The following ZPLD1 variants were observed in gnomAD, a reference collection of about 807,000 sequenced individuals.
The protein encoded by ZPLD1 is zona pellucida like domain containing 1.
In ZPLD1, 34 loss-of-function variants were observed where a neutral mutation model predicts 47.2. That is an observed-to-expected ratio of 0.72 (90% confidence interval 0.55 to 0.96). The LOEUF is 0.96. Ranked by LOEUF, ZPLD1 falls within the 40% of genes least tolerant of loss-of-function variation. ZPLD1 has a pLI of 0.00. For synonymous variants in ZPLD1, 176 were observed against 186.2 expected (o/e 0.95, Z 0.45); for missense variants, 512 against 505.8 (o/e 1.01, Z -0.12).
Position 102,398,214 on chromosome 3 carries a change from T to C in ZPLD1, c.-157+5989T>C, listed in dbSNP as rs186532747. On this transcript the variant is annotated intron_variant, in intron 7 of 17. Transcript: ENST00000491959. The stretch of plus-strand genomic sequence containing the variant: ...GGGAAAACCACTATTTCCTATATAC[T>C]CTTGACCTTTGGTATATTATTTATC... 2.6e-5 allele frequency among the ~76,000 whole-genome samples: 4 copies of C among 152,260 alleles called. 1 individual carries two copies. In the East Asian group the frequency reaches 7.7e-4, roughly 29 times the overall value.
intron 3 of ZPLD1, among the ~76,000 whole-genome samples, chr3:102,440,132 G>A (rs1707153354): frequency 6.6e-6 from 1 of 152,168 alleles, no homozygotes; most frequent in Non-Finnish European, 1.5e-5. Context: ...GTTATGTAGT[G>A]TAATAAAAGT....
intron 7 of ZPLD1, among the ~76,000 whole-genome samples, chr3:102,403,387 C>A (rs1254413487): frequency 6.6e-6 from 1 of 151,896 alleles, no homozygotes; most frequent in African/African-American, 2.4e-5. Flanking sequence ...ATTATAGACT[C>A]TCTGACATAT....
chr3:102,439,193 G>A (rs113647672), intron 3 of ZPLD1, among the ~76,000 whole-genome samples: 6 of 152,316 alleles, frequency 3.9e-5, no homozygotes, highest in African/African-American at 1.4e-4. Flanking sequence ...ATTAGCTAAA[G>A]TAATGGAACC....
chr3:102,455,670 C>T (rs1304433137), intron 4 of ZPLD1, among the ~76,000 whole-genome samples: 1 of 152,128 alleles, frequency 6.6e-6, no homozygotes, highest in Non-Finnish European at 1.5e-5. Flanking sequence ...AACTGCCCAG[C>T]GAGCAGGCTG....
upstream of ZPLD1, among the ~76,000 whole-genome samples, chr3:102,433,774 C>T (rs1286558559): frequency 6.6e-6 from 1 of 152,102 alleles, no homozygotes; most frequent in Non-Finnish European, 1.5e-5. Flanking sequence ...CGTGATACAC[C>T]CGCCTCGGCC....
intron 3 of ZPLD1, among the ~76,000 whole-genome samples, chr3:102,447,316 G>A (rs1023811229): frequency 4.6e-5 from 7 of 151,994 alleles, no homozygotes; most frequent in African/African-American, 9.7e-5. Flanking sequence ...CACCCACTTC[G>A]GCCTTCCTAA....
At chr3:102,412,825 A>G (rs531427963) in intron 7 of ZPLD1, among the ~76,000 whole-genome samples, 2 of 151,776 alleles carry the variant, frequency 1.3e-5, no homozygotes, top group East Asian at 3.9e-4. Context: ...ATATACACAC[A>G]TATGTGTATA....
At chr3:102,435,703 C>A (rs142125296) in intron 1 of ZPLD1, among the ~76,000 whole-genome samples, 25 of 144,618 alleles carry the variant, frequency 1.7e-4, no homozygotes, top group African/African-American at 6.5e-4. Context: ...AGTGCAGTGG[C>A]GAGATCTCAG....
At chr3:102,435,418 G>C (rs532994071) in intron 1 of ZPLD1, among the ~76,000 whole-genome samples, 4 of 152,174 alleles carry the variant, frequency 2.6e-5, no homozygotes, top group Admixed American at 2.6e-4. Context: ...ACTAGCCCAT[G>C]AGACACTTTG....
At chr3:102,447,005 T>C (rs1707265609) in intron 3 of ZPLD1, among the ~76,000 whole-genome samples, 1 of 152,164 alleles carries the variant, frequency 6.6e-6, no homozygotes, top group South Asian at 2.1e-4. Context: ...GTAAAACCAA[T>C]TGCCTCTAGA....
At chr3:102,386,488 T>A (rs554725973) in intron 6 of ZPLD1, among the ~76,000 whole-genome samples, 1 of 152,252 alleles carries the variant, frequency 6.6e-6, no homozygotes, top group South Asian at 2.1e-4. Flanking sequence ...TAAGTTTTTA[T>A]GGGAAAATTA....
intron 3 of ZPLD1, among the ~76,000 whole-genome samples, chr3:102,449,256 T>A (rs1707301394): frequency 6.6e-6 from 1 of 152,190 alleles, no homozygotes; most frequent in Non-Finnish European, 1.5e-5. Context: ...AAGCCATTCC[T>A]AACCAGCTGG....
In ZPLD1 at chr3:102,471,977, G is replaced by A. The variant is rs190175295; in HGVS notation, c.1042+1475G>A. ...GTTATTATGTTTCAGTTACATTTTCGGTATCTTTTCTCCATGCTGCCCATC... is the reference window on the plus strand; with the variant it reads ...GTTATTATGTTTCAGTTACATTTTCAGTATCTTTTCTCCATGCTGCCCATC... On this transcript the variant is annotated intron_variant, in intron 10 of 11. Coordinates refer to ENST00000466937, the MANE Select transcript of ZPLD1 (RefSeq NM_001329788.2). Among the ~76,000 whole-genome samples the A allele has an allele frequency of 4.6e-5, 7 of 151,932 alleles. No homozygotes were observed. The East Asian group carries it at 1.4e-3, about 29-fold the overall frequency.
chr3:102,450,001 T>G (rs1444046231), intron 3 of ZPLD1, among the ~76,000 whole-genome samples: 2 of 152,200 alleles, frequency 1.3e-5, no homozygotes. Flanking sequence ...ATGGGACTTA[T>G]AGTTTATTAA....
intron 8 of ZPLD1, among the ~76,000 whole-genome samples, chr3:102,465,584 A>T (rs1405081575): frequency 6.6e-6 from 1 of 152,072 alleles, no homozygotes; most frequent in Admixed American, 6.6e-5. Flanking sequence ...TTTTTTTGAC[A>T]TTTCTCTTAT....
chr3:102,429,543 G>A (rs1192955903), intron 8 of ZPLD1, among the ~76,000 whole-genome samples: 1 of 152,022 alleles, frequency 6.6e-6, no homozygotes, highest in Non-Finnish European at 1.5e-5. Context: ...TACTGGATTG[G>A]GGGGGAAAGT....
In ZPLD1 at chr3:102,453,047, T is replaced by G; in HGVS notation, c.235T>G (p.Cys79Gly). Residue 79 changes from cysteine (C) to glycine (G), a missense_variant, in exon 4 of 12, where the codon TGC becomes GGC. Coordinates refer to ENST00000466937, the MANE Select transcript of ZPLD1 (RefSeq NM_001329788.2). ...GAATGGAAGGCATGGGGACTCCCAC[T>G]GCAGAGGGTTCATCAATAACAACAC... ...ALNGRHGDSH[C>G]RGFINNNTFP... is the part of the protein sequence containing the mutation. 3.1e-6 allele frequency: 5 copies of G among 1,614,142 alleles called. No homozygotes were observed. The highest frequency in any genetic ancestry group is 4.2e-6 in the Non-Finnish European group (5 of 1,179,994).
At chr3:102,464,625 A>G (rs1707564856) in intron 8 of ZPLD1, among the ~76,000 whole-genome samples, 1 of 152,214 alleles carries the variant, frequency 6.6e-6, no homozygotes, top group Non-Finnish European at 1.5e-5. Flanking sequence ...CTCATATGTC[A>G]AAAGGAGAGT....
intron 10 of ZPLD1, among the ~76,000 whole-genome samples, chr3:102,472,127 A>T (rs984839211): frequency 3.9e-5 from 6 of 152,226 alleles, no homozygotes; most frequent in African/African-American, 1.4e-4. Context: ...AACATTATTT[A>T]AAAACAAACT....
Sources: gnomAD v4.1 joint callset for allele counts (sites outside exome capture counted in the v4.1 genomes callset) on GRCh38, gnomAD v4.1.1 for gene constraint, MANE v1.5 for transcripts, NCBI Gene and HGNC (gene_info 2026-07-23, HGNC 2026-07-21) for gene names.